Variants in TUBGCP6 observed in about 807,000 individuals in gnomAD.
The protein encoded by TUBGCP6 is gamma-tubulin complex component 6.
A neutral mutation model predicts 175.8 loss-of-function variants in TUBGCP6; 161 were observed. The ratio of observed to expected loss-of-function variants is 0.92; its 90% CI spans 0.81 to 1.04. The LOEUF is 1.04. Among genes scored for constraint, TUBGCP6 ranks in the 50% least tolerant of loss-of-function variants. The pLI is 0.00. For missense variants in TUBGCP6, 2,572 were observed against 2,433.0 expected, an observed-to-expected ratio of 1.06 and a Z score of -1.20; for synonymous variants, 1,173 against 1,030.5, an observed-to-expected ratio of 1.14 and a Z score of -2.65.
At chr22:50,237,523 G>C (rs1030215531) in intron 2 of TUBGCP6, among the ~76,000 whole-genome samples, 1 of 152,250 alleles carries the variant, frequency 6.6e-6, no homozygotes, top group African/African-American at 2.4e-5. Flanking sequence ...CCCTGTGCAG[G>C]TCAGCCACTG....
intron 2 of TUBGCP6, among the ~76,000 whole-genome samples, chr22:50,235,866 G>A (rs1298692353): frequency 6.6e-6 from 1 of 151,828 alleles, no homozygotes. Context: ...CTTGAACCCG[G>A]GAGGTGGAGG....
Position 50,224,586 on chromosome 22 carries a change from G to T in TUBGCP6, c.1990C>A (p.Arg664Ser). The T allele has an allele frequency of 1.2e-6, 2 of 1,613,786 alleles. No homozygotes were observed. Among genetic ancestry groups the T allele is most frequent in the Non-Finnish European group, 1.7e-6 (2 of 1,179,962 alleles). Residue 664 changes from arginine (R) to serine (S), a missense_variant, in exon 11 of 25, where the codon CGT (arginine) becomes AGT (serine). Arg to Ser is a moderately radical substitution (Grantham distance 110, BLOSUM62 -1). Transcript: ENST00000248846. The part of the protein sequence containing the change: ...SSVSKEEKEL[R>S]MEIAKQELIA... ...AATTCTTGTTTTGCAATTTCCATACGTAATTCCTGAGAAAGACAACTGGTA... is the reference window on the plus strand; with the variant it reads ...AATTCTTGTTTTGCAATTTCCATACTTAATTCCTGAGAAAGACAACTGGTA...
chr22:50,217,851 G>C, intron 24 of TUBGCP6, 24 bp from the exon 25 acceptor site: 2 of 1,612,640 alleles, frequency 1.2e-6, no homozygotes, highest in Non-Finnish European at 1.7e-6. Context: ...AGCAGCTCAG[G>C]CTTTTGCCCA....
chr22:50,230,605 CAAA>C (rs57598808), intron 3 of TUBGCP6, among the ~76,000 whole-genome samples: 1 of 117,620 alleles, frequency 8.5e-6, no homozygotes, highest in African/African-American at 3.1e-5. Context: ...GACTCCGTCT[CAAA>C]AAAAAAAAAA....
intron 9 of TUBGCP6, 22 bp from the exon 10 acceptor site, chr22:50,225,965 C>A (rs1291206337): frequency 1.2e-6 from 2 of 1,613,100 alleles, no homozygotes; most frequent in Non-Finnish European, 1.7e-6. Flanking sequence ...GATGCAAGCA[C>A]AGCCACCAGC....
At chr22:50,225,993 T>A in intron 9 of TUBGCP6, 50 bp from the exon 10 acceptor site, 1 of 1,613,150 alleles carries the variant, frequency 6.2e-7, no homozygotes, top group Non-Finnish European at 8.5e-7. Flanking sequence ...CCCAGCCTCA[T>A]ACTCAGCCCC....
At position 50,244,292 on chromosome 22, in the gene TUBGCP6, C is replaced by T. The variant is rs2064889420; in HGVS notation, c.168G>A (p.Gln56=). 1.9e-6 allele frequency: 3 copies of T among 1,613,694 alleles called. No individual in the cohort carries two copies. Among genetic ancestry groups the T allele is most frequent in the Admixed American group, 3.3e-5 (2 of 60,034 alleles). The part of the protein sequence containing the change: ...FTNLFQDETQ[Q]LQPDMSKLPA... ...GTAGTTTTGACATGTCAGGCTGCAG[C>T]TGTTGAGTCTCATCTTGAAAAAGAT... The change falls in exon 1 of 25, where the codon CAG becomes CAA. Residue 56 remains glutamine, a synonymous_variant. Transcript: ENST00000248846.
rs765081922 is a variant in TUBGCP6, at chr22:50,218,296, CTGGT to C, written c.5057_5060del (p.Asn1686ArgfsTer48). ...ACTCGCACCAGGTGACGTGCAGGAT[CTGGT>C]TGGCGATGTAGCCCTGGATGACCTT... is the stretch of plus-strand genomic sequence containing the variant. On this transcript the variant is annotated frameshift_variant, in exon 23 of 25. Transcript: ENST00000248846. LOFTEE classifies it high-confidence loss of function. 6.2e-7 allele frequency: 1 copy of C among 1,613,148 alleles called. No homozygotes were observed. The highest frequency in any genetic ancestry group is 8.5e-7 in the Non-Finnish European group (1 of 1,180,004).
chr22:50,243,662 C>CAGG, intron 1 of TUBGCP6, 57 bp downstream of exon 1: 1 of 1,243,820 alleles, frequency 8.0e-7, no homozygotes. Context: ...AGAAAGGTCA[C>CAGG]AGGAAGCATT....
At chr22:50,241,983 CAAAAAAAAAAAA>C (rs55647714) in intron 1 of TUBGCP6, among the ~76,000 whole-genome samples, 43,296 of 92,930 alleles carry the variant, frequency 0.47, 7,655 homozygotes, top group South Asian at 0.55. Context: ...GACTCCATCT[CAAAAAAAAAAAA>C]AAAAAAAAAA....
rs368765755 is a variant in TUBGCP6, at chr22:50,224,426, T to C, written c.2066-6A>G. On this transcript the variant is annotated splice_region_variant and splice_polypyrimidine_tract_variant and intron_variant, in intron 11 of 24. Coordinates refer to ENST00000248846, the MANE Select transcript of TUBGCP6 (RefSeq NM_020461.4). ...CCGTTCTGACATCTGCCGGTCTACA[T>C]TGGGACAGTAAGGGGCGCACTGTCA... 6.6e-5 allele frequency: 106 copies of C among 1,614,030 alleles called. No homozygotes were observed. Among genetic ancestry groups the C allele is most frequent in the African/African-American group, 2.1e-4 (16 of 74,910 alleles).
chr22:50,220,646 C>T lies in TUBGCP6; in HGVS notation c.3713G>A (p.Arg1238Gln), dbSNP rs767428997. 6.2e-6 allele frequency: 10 copies of T among 1,610,714 alleles called. No individual in the cohort carries two copies. The highest frequency in any genetic ancestry group is 1.6e-4 in the Middle Eastern group (1 of 6,078). ...GGACACGTGTCCATGGGTGTTGCAC[C>T]GTGACCGGATGGGAGCCACGTCCGA... ...NVSDVAPIRSRCNTHGHVSDA... is the reference protein window; with the variant it reads ...NVSDVAPIRSQCNTHGHVSDA... Residue 1238 changes from arginine to glutamine, a missense_variant, in exon 16 of 25, where the codon CGG becomes CAG. Arg to Gln is a conservative substitution (Grantham distance 43). Transcript: ENST00000248846.
chr22:50,240,007 T>C (rs1436235085), intron 2 of TUBGCP6, 197 bp downstream of exon 2: 6 of 723,128 alleles, frequency 8.3e-6, no homozygotes, highest in Middle Eastern at 7.9e-4. Flanking sequence ...GAGGCCTCCT[T>C]AAAGGCTGTT....
Position 50,221,619 on chromosome 22 carries a change from T to C in TUBGCP6, c.2740A>G (p.Met914Val). ...AGCGCCACCTCCAGGAGAGGGACCA[T>C]GCCAGTCTGCACGGACGGCTCAGCC... is the stretch of plus-strand genomic sequence containing the variant. ...PGAEPSVQTG[M>V]VPLLEVALQT... is the part of the protein sequence containing the mutation. Residue 914 changes from methionine (M) to valine (V), a missense_variant, in exon 16 of 25, where the codon ATG becomes GTG. Transcript: ENST00000248846. The C allele has an allele frequency of 6.4e-7, 1 of 1,552,688 alleles. No homozygotes were observed. Among genetic ancestry groups the C allele is most frequent in the Non-Finnish European group, 8.7e-7 (1 of 1,148,120 alleles).
At chr22:50,243,631 A>AAAG (rs2064873067) in intron 1 of TUBGCP6, 88 bp downstream of exon 1, 1 of 1,144,232 alleles carries the variant, frequency 8.7e-7, no homozygotes, top group Non-Finnish European at 1.2e-6. Context: ...AAAAAAAAAA[A>AAAG]AAAGAAGAAG....
At chr22:50,222,325 T>C in intron 14 of TUBGCP6, 129 bp downstream of exon 14, 1 of 1,397,368 alleles carries the variant, frequency 7.2e-7, no homozygotes, top group Non-Finnish European at 9.8e-7. Flanking sequence ...GGAGAGAGAG[T>C]GCTCTGCCGC....
rs931875371 is a variant in TUBGCP6, at chr22:50,218,782, G to A, written c.4742C>T (p.Ser1581Phe). The change falls in exon 21 of 25, where the codon TCC becomes TTC. Residue 1581 changes from serine to phenylalanine, a missense_variant. Transcript: ENST00000248846. ...HGDTPHASNL[S>F]LALKYLPEVF... ...CTCGGGCAGGTACTTGAGAGCGAGG[G>A]AGAGGTTGGAGGCGTGCGGGGTGTC... The A allele has an allele frequency of 1.2e-6, 2 of 1,614,114 alleles. No homozygotes were observed. The highest frequency in any genetic ancestry group is 1.1e-5 in the South Asian group (1 of 91,080).
intron 2 of TUBGCP6, among the ~76,000 whole-genome samples, 165 bp from the exon 3 acceptor site, chr22:50,233,691 C>T (rs147015387): frequency 6.6e-6 from 1 of 152,124 alleles, no homozygotes; most frequent in African/African-American, 2.4e-5. Flanking sequence ...ACCACCCAGC[C>T]TTTTGTGGAT....
intron 5 of TUBGCP6, among the ~76,000 whole-genome samples, chr22:50,227,307 C>T (rs1304338195): frequency 6.6e-6 from 1 of 152,162 alleles, no homozygotes; most frequent in African/African-American, 2.4e-5. Flanking sequence ...GAAGTACCCA[C>T]ACCCAGCAGG....
Sources: gnomAD v4.1 joint callset for allele counts (sites outside exome capture counted in the v4.1 genomes callset) on GRCh38, gnomAD v4.1.1 for gene constraint, MANE v1.5 for transcripts, NCBI Gene and HGNC (gene_info 2026-07-23, HGNC 2026-07-21) for gene names.